Variants in NRXN3 observed in about 807,000 individuals in gnomAD.
The protein encoded by NRXN3 is neurexin III.
Under a neutral mutation model 137.6 loss-of-function variants are expected in NRXN3, and 32 were observed. That is an observed-to-expected ratio of 0.23 (90% CI 0.18 to 0.31). The LOEUF is 0.31. Among genes scored for constraint, NRXN3 ranks in the 10% least tolerant of loss-of-function variants. The pLI is 1.00. For synonymous variants in NRXN3, 798 were observed against 784.5 expected, an observed-to-expected ratio of 1.02 and a Z score of -0.29; for missense variants, 1,574 against 2,062.5, an observed-to-expected ratio of 0.76 and a Z score of 4.59.
chr14:79,123,017 TAA>T (rs1340018536), intron 15 of NRXN3, among the ~76,000 whole-genome samples: 1 of 152,114 alleles, frequency 6.6e-6, no homozygotes, highest in African/African-American at 2.4e-5. Flanking sequence ...ACTTCAGAAT[TAA>T]GAGAGTAAAA....
At chr14:78,986,149 T>C (rs1347275187) in intron 14 of NRXN3, among the ~76,000 whole-genome samples, 7 of 152,204 alleles carry the variant, frequency 4.6e-5, no homozygotes, top group Admixed American at 3.9e-4. Context: ...TTCATTTCAG[T>C]ATTCTTGCTT....
intron 19 of NRXN3, among the ~76,000 whole-genome samples, chr14:79,799,020 G>A (rs1051022987): frequency 3.9e-5 from 6 of 152,100 alleles, no homozygotes; most frequent in African/African-American, 1.4e-4. Context: ...AGAGTTCTGA[G>A]CTTTCTTCTG....
In NRXN3 at chr14:79,094,948, A is replaced by AAG. The variant is rs138948861; in HGVS notation, c.3262+106838_3262+106839dup. On this transcript the variant is annotated intron_variant, in intron 15 of 20. Coordinates refer to ENST00000335750, the MANE Select transcript of NRXN3 (RefSeq NM_001330195.2). ...ATACATTTGGCTTCTGAGAGAGAGA[A>AAG]AGAGAGAGAGAGAGAGAGAGAGAGA... 6.0e-4 allele frequency among the ~76,000 whole-genome samples: 81 copies of AAG among 134,810 alleles called. 1 individual carries two copies. The highest frequency in any genetic ancestry group is 1.5e-3 in the African/African-American group (53 of 35,396). 88.4% of individuals were successfully genotyped at this position (134,810 alleles called of 152,430 possible).
intron 4 of NRXN3, among the ~76,000 whole-genome samples, chr14:78,504,023 G>A (rs1169946356): frequency 6.6e-6 from 1 of 152,160 alleles, no homozygotes; most frequent in African/African-American, 2.4e-5. Context: ...AAGTTTAATG[G>A]AGGAGTCTTT....
intron 4 of NRXN3, among the ~76,000 whole-genome samples, chr14:78,564,430 C>A (rs2096818519): frequency 6.6e-6 from 1 of 152,130 alleles, no homozygotes; most frequent in Non-Finnish European, 1.5e-5. Flanking sequence ...CCTACTTCAC[C>A]CATTACCTGT....
chr14:79,726,914 A>G (rs2098893683), intron 19 of NRXN3, among the ~76,000 whole-genome samples: 1 of 152,168 alleles, frequency 6.6e-6, no homozygotes, highest in African/African-American at 2.4e-5. Context: ...AAGCAGACCT[A>G]TGTCCAATTC....
intron 1 of NRXN3, among the ~76,000 whole-genome samples, chr14:78,181,110 G>T (rs934852233): frequency 2.6e-5 from 4 of 152,234 alleles, no homozygotes; most frequent in African/African-American, 9.6e-5. Flanking sequence ...TTAGGTAAGT[G>T]TGGAGGTAAT....
chr14:78,580,220 G>C (rs2096979660), intron 4 of NRXN3, among the ~76,000 whole-genome samples: 1 of 152,098 alleles, frequency 6.6e-6, no homozygotes, highest in Non-Finnish European at 1.5e-5. Context: ...ATATTAGGAG[G>C]TGGAGACACC....
Position 78,588,487 on chromosome 14 carries a change from T to C in NRXN3, c.758-56633T>C, listed in dbSNP as rs182069879. ...CTTCTCCTGGGCTCCTGATGAAGTCTAGGGGAGAGTATACAGGGCTGAGAT... is the reference window on the plus strand; with the variant it reads ...CTTCTCCTGGGCTCCTGATGAAGTCCAGGGGAGAGTATACAGGGCTGAGAT... On this transcript the variant is annotated intron_variant, in intron 4 of 20. Transcript: ENST00000335750. 3.9e-5 allele frequency among the ~76,000 whole-genome samples: 6 copies of C among 152,340 alleles called. No homozygotes were observed. The East Asian group carries it at 9.6e-4, about 24-fold the overall frequency.
At chr14:78,447,098 G>T (rs867061328) in intron 4 of NRXN3, among the ~76,000 whole-genome samples, 1 of 152,188 alleles carries the variant, frequency 6.6e-6, no homozygotes, top group African/African-American at 2.4e-5. Context: ...TGAAAAGAAG[G>T]CTGGTTTGGG....
chr14:79,236,751 C>T (rs556105863), intron 15 of NRXN3, among the ~76,000 whole-genome samples: 14 of 151,622 alleles, frequency 9.2e-5, no homozygotes, highest in Admixed American at 5.9e-4. Flanking sequence ...GTCTCTAAAA[C>T]AAAAATTTTT....
At chr14:79,783,012 A>G (rs2099118632) in intron 19 of NRXN3, among the ~76,000 whole-genome samples, 1 of 152,212 alleles carries the variant, frequency 6.6e-6, no homozygotes, top group South Asian at 2.1e-4. Context: ...AAGGACATTT[A>G]TCTTCTCAGG....
intron 16 of NRXN3, among the ~76,000 whole-genome samples, chr14:79,558,318 C>T (rs1173313579): frequency 1.3e-5 from 2 of 152,124 alleles, no homozygotes; most frequent in South Asian, 2.1e-4. Context: ...CAATGTACTT[C>T]GTCCAGATCC....
rs137909729 is a variant in NRXN3 at position 79,124,036 on chromosome 14, C to T, written c.3262+135895C>T. ...CCACCGAATGAGCAACAAATCTTGG[C>T]GTCTGAAAAATGTAGCACCTGACGC... On this transcript the variant is annotated intron_variant, in intron 15 of 20. Transcript: ENST00000335750. 9.4e-4 allele frequency among the ~76,000 whole-genome samples: 143 copies of T among 152,226 alleles called. 1 individual carries two copies. The highest frequency in any genetic ancestry group is 3.3e-3 in the African/African-American group (138 of 41,538).
At chr14:78,279,579 T>A (rs372301435) in intron 3 of NRXN3, 1 of 152,216 alleles carries the variant, frequency 6.6e-6, no homozygotes, top group Admixed American at 6.5e-5. Context: ...AGTATCATTA[T>A]ATTCATTTTA....
At chr14:78,821,844 G>T (rs999973732) in intron 10 of NRXN3, among the ~76,000 whole-genome samples, 1 of 152,024 alleles carries the variant, frequency 6.6e-6, no homozygotes, top group East Asian at 1.9e-4. Context: ...TTAACTGCTC[G>T]GTTTACTTAT....
chr14:78,924,381 A>G (rs570890728), intron 10 of NRXN3, among the ~76,000 whole-genome samples: 4 of 152,278 alleles, frequency 2.6e-5, no homozygotes, highest in Admixed American at 1.3e-4. Context: ...AATAGATATC[A>G]TAAGCCCTAT....
In NRXN3 at chr14:79,790,207, T is replaced by C. The variant is rs2099140820; in HGVS notation, c.4015-14905T>C. ...CTGTACAAGCAGTGCCAGCATCTGCTTGGCTTCTGGTAAGGCCTCAAGAAG... is the reference window on the plus strand; with the variant it reads ...CTGTACAAGCAGTGCCAGCATCTGCCTGGCTTCTGGTAAGGCCTCAAGAAG... On this transcript the variant is annotated intron_variant, in intron 19 of 20. Transcript: ENST00000335750. Among the ~76,000 whole-genome samples, 3 of 152,138 alleles carry C rather than the reference T, an allele frequency of 2.0e-5. No homozygotes were observed. In the East Asian group the frequency reaches 5.8e-4, roughly 29 times the overall value.
chr14:79,856,814 C>G (rs566478679), intron 20 of NRXN3, among the ~76,000 whole-genome samples: 3 of 152,156 alleles, frequency 2.0e-5, no homozygotes, highest in African/African-American at 7.2e-5. Flanking sequence ...AGCCGGGAAG[C>G]CTTCAGGGCT....
Sources: allele counts gnomAD v4.1 joint callset (sites outside exome capture counted in the v4.1 genomes callset), GRCh38; gene constraint gnomAD v4.1.1; transcripts MANE v1.5; gene names NCBI Gene and HGNC (gene_info 2026-07-23, HGNC 2026-07-21).